SHANK2: variants seen among roughly 807,000 people sequenced by gnomAD.
SHANK2 encodes SH3 and multiple ankyrin repeat domains 2.
Under a neutral mutation model 133.7 loss-of-function variants are expected in SHANK2, and 43 were observed. The ratio of observed to expected loss-of-function variants is 0.32; its 90% confidence interval spans 0.25 to 0.41. SHANK2 has a LOEUF of 0.41. Ranked by LOEUF, SHANK2 falls within the 10% of genes least tolerant of loss-of-function variation. SHANK2 has a pLI of 1.00. For missense variants in SHANK2, 1,994 were observed against 2,235.8 expected, an observed-to-expected ratio of 0.89 and a Z score of 2.18; for synonymous variants, 1,017 against 952.8, an observed-to-expected ratio of 1.07 and a Z score of -1.24.
chr11:70,539,496 C>T (rs1177752470), intron 17 of SHANK2, among the ~76,000 whole-genome samples: 8 of 151,324 alleles, frequency 5.3e-5, no homozygotes, highest in East Asian at 1.9e-4. Flanking sequence ...TCACTCGCCA[C>T]GCTCACCACG....
At chr11:71,198,834 C>T (rs1953964202) in intron 2 of SHANK2, among the ~76,000 whole-genome samples, 1 of 152,154 alleles carries the variant, frequency 6.6e-6, no homozygotes, top group Admixed American at 6.5e-5. Context: ...GGTTCTGGAT[C>T]CTGCACTGGT....
chr11:70,874,268 C>CTAATCCAATCT (rs879964139), intron 11 of SHANK2, among the ~76,000 whole-genome samples: 1 of 151,964 alleles, frequency 6.6e-6, no homozygotes, highest in Non-Finnish European at 1.5e-5. Context: ...TAATCTAATC[C>CTAATCCAATCT]AATCTAATCT....
At chr11:71,253,193 A>T (rs1237931939), upstream of SHANK2, among the ~76,000 whole-genome samples, 3 of 152,178 alleles carry the variant, frequency 2.0e-5, no homozygotes, top group African/African-American at 7.2e-5. Context: ...TGAATCCCAG[A>T]GGCCAAAGGC....
chr11:70,601,775 A>C (rs183239209), intron 17 of SHANK2, among the ~76,000 whole-genome samples: 1 of 152,356 alleles, frequency 6.6e-6, no homozygotes, highest in African/African-American at 2.4e-5. Context: ...CAGAAACATA[A>C]AAGATGCTCA....
rs1303492988 is a variant in SHANK2 at position 71,083,978 on chromosome 11, T to TGGG, written c.912+8443_912+8444insCCC. ...GGGTAATTTGAATAACAACTTTTTT[T>TGGG]TGGGGGGGGGAGACAGAGTCTTGCT... On this transcript the variant is annotated intron_variant, in intron 8 of 25. Transcript: ENST00000601538. Among the ~76,000 whole-genome samples, 7 of 69,382 alleles carry TGGG rather than the reference T, an allele frequency of 1.0e-4. No individual in the cohort carries two copies. In the South Asian group the frequency reaches 1.2e-3, roughly 12 times the overall value. The allele number at this position is 69,382 out of a possible 152,430, so 45.5% of individuals were successfully genotyped here. A position where few individuals can be genotyped will look rare whatever the true frequency, so the allele number is the denominator to read the frequency against.
At chr11:70,654,080 G>C (rs1320378387) in intron 17 of SHANK2, 1 of 152,212 alleles carries the variant, frequency 6.6e-6, no homozygotes, top group Non-Finnish European at 1.5e-5. Context: ...TAGCAAACTC[G>C]AGCACCACTT....
intron 10 of SHANK2, among the ~76,000 whole-genome samples, chr11:70,941,822 C>T (rs1950652288): frequency 6.6e-6 from 1 of 151,894 alleles, no homozygotes; most frequent in Non-Finnish European, 1.5e-5. Flanking sequence ...AGCAGCCTGT[C>T]TTTGTCTGTT....
intron 11 of SHANK2, among the ~76,000 whole-genome samples, chr11:70,859,013 T>C (rs549441822): frequency 6.6e-6 from 1 of 152,242 alleles, no homozygotes; most frequent in Non-Finnish European, 1.5e-5. Context: ...GCACTGGTGT[T>C]GGGCCTAGAG....
At chr11:70,810,534 A>T (rs1555052974) in intron 12 of SHANK2, among the ~76,000 whole-genome samples, 1 of 152,200 alleles carries the variant, frequency 6.6e-6, no homozygotes. Context: ...AACTTCCCTT[A>T]ATGCACCTGC....
chr11:70,782,925 C>A (rs1947538818), intron 14 of SHANK2, among the ~76,000 whole-genome samples: 1 of 152,152 alleles, frequency 6.6e-6, no homozygotes, highest in Non-Finnish European at 1.5e-5. Flanking sequence ...ATGTCTGTGA[C>A]CCCCTCTAGA....
chr11:71,085,634 TATATA>T lies in SHANK2; in HGVS notation c.912+6783_912+6787del, dbSNP rs1465193133. Among the ~76,000 whole-genome samples the T allele has an allele frequency of 4.9e-3, 330 of 66,904 alleles. 7 individuals carry two copies. The highest frequency in any genetic ancestry group is 0.019 in the Middle Eastern group (2 of 108). The allele number at this position is 66,904 out of a possible 152,430, so 43.9% of individuals were successfully genotyped here. A position where few individuals can be genotyped will look rare whatever the true frequency, so the allele number is the denominator to read the frequency against. ...ATATATTATATTATATATTATAATA[TATATA>T]ATATATTATGTTATATATTATATTA... On this transcript the variant is annotated intron_variant, in intron 8 of 25. Transcript: ENST00000601538.
chr11:70,545,670 C>T (rs367760526), intron 17 of SHANK2, among the ~76,000 whole-genome samples: 84 of 152,336 alleles, frequency 5.5e-4, no homozygotes, highest in African/African-American at 1.9e-3. Flanking sequence ...ATACATCATT[C>T]CAACATCAAC....
intron 17 of SHANK2, among the ~76,000 whole-genome samples, chr11:70,545,515 G>A (rs1554976154): frequency 6.6e-6 from 1 of 152,114 alleles, no homozygotes; most frequent in African/African-American, 2.4e-5. Flanking sequence ...CGGGGTCTTG[G>A]TTTTCTCCCC....
intron 10 of SHANK2, among the ~76,000 whole-genome samples, chr11:70,921,524 G>A (rs1014212313): frequency 2.6e-5 from 4 of 152,226 alleles, no homozygotes; most frequent in Non-Finnish European, 4.4e-5. Context: ...TGAGGCATTC[G>A]GCTGCTTTTC....
At chr11:71,210,251 T>C (rs1198070886) in intron 2 of SHANK2, among the ~76,000 whole-genome samples, 1 of 87,452 alleles carries the variant, frequency 1.1e-5, no homozygotes, top group Non-Finnish European at 2.2e-5. Flanking sequence ...TATATATATA[T>C]ATTTATTTAT....
rs1311213960 is a variant in SHANK2 at position 70,830,538 on chromosome 11, G to A, written c.1175-9856C>T. ...CTTGGAGAGCTGGGGAAGCAGAGGC[G>A]GGTGCACAGCCTCCCGCAGAACTCC... On this transcript the variant is annotated intron_variant, in intron 11 of 25. Coordinates refer to ENST00000601538, the MANE Select transcript of SHANK2 (RefSeq NM_012309.5). The surrounding 1 kb of genome is among the most constrained non-coding windows in gnomAD (Gnocchi z 4.4). 2.0e-5 allele frequency among the ~76,000 whole-genome samples: 3 copies of A among 152,228 alleles called. No individual in the cohort carries two copies. The highest frequency in any genetic ancestry group is 4.8e-5 in the African/African-American group (2 of 41,460).
At chr11:71,164,113 C>A (rs1243868159) in intron 2 of SHANK2, among the ~76,000 whole-genome samples, 3 of 152,120 alleles carry the variant, frequency 2.0e-5, no homozygotes, top group African/African-American at 7.2e-5. Context: ...TGTTCCTCAG[C>A]CTCCCCACAG....
intron 17 of SHANK2, among the ~76,000 whole-genome samples, chr11:70,559,844 C>A (rs2059883974): frequency 6.7e-6 from 1 of 149,696 alleles, no homozygotes; most frequent in Non-Finnish European, 1.5e-5. Flanking sequence ...TGCCCCAGAC[C>A]ACCCATATTC....
intron 14 of SHANK2, among the ~76,000 whole-genome samples, chr11:70,777,746 C>T (rs890757916): frequency 6.6e-6 from 1 of 152,168 alleles, no homozygotes; most frequent in Non-Finnish European, 1.5e-5. Context: ...TGGCTTGCAC[C>T]ATTTGCACTT....
Sources: gnomAD v4.1 joint callset for allele counts (sites outside exome capture counted in the v4.1 genomes callset) on GRCh38, gnomAD v4.1.1 for gene constraint, Gnocchi (gnomAD v3.1) non-coding constraint, MANE v1.5 for transcripts, NCBI Gene and HGNC (gene_info 2026-07-23, HGNC 2026-07-21) for gene names.